The following SLC25A12 variants were observed in gnomAD, a reference collection of about 807,000 sequenced individuals.
The protein encoded by SLC25A12 is solute carrier family 25 member 12.
In SLC25A12, 32 loss-of-function variants were observed where a neutral mutation model predicts 83.3. The ratio of observed to expected loss-of-function variants is 0.38; its 90% CI spans 0.29 to 0.52. The LOEUF (loss-of-function observed/expected upper bound fraction) is 0.52. Ranked by LOEUF, SLC25A12 falls within the 20% of genes least tolerant of loss-of-function variation. The probability of loss-of-function intolerance (pLI) is 0.84; values close to 1 mark genes in which losing one functional copy is unlikely to be tolerated. For missense variants in SLC25A12, 611 were observed against 835.6 expected, an observed-to-expected ratio of 0.73 and a Z score of 3.31; for synonymous variants, 267 against 291.1, an observed-to-expected ratio of 0.92 and a Z score of 0.84.
intron 2 of SLC25A12, among the ~76,000 whole-genome samples, chr2:171,888,961 C>G: frequency 6.6e-6 from 1 of 152,084 alleles, no homozygotes; most frequent in East Asian, 1.9e-4. Flanking sequence ...CAAGTGACCC[C>G]AAAATCCTCC....
chr2:171,886,753 G>A (rs189455875), intron 2 of SLC25A12, among the ~76,000 whole-genome samples: 29 of 151,948 alleles, frequency 1.9e-4, no homozygotes, highest in South Asian at 4.2e-4. Context: ...CTTGTGATCC[G>A]CCCACCTTGG....
intron 13 of SLC25A12, among the ~76,000 whole-genome samples, chr2:171,801,492 G>A (rs993988316): frequency 9.2e-5 from 14 of 152,042 alleles, no homozygotes; most frequent in African/African-American, 2.4e-4. Flanking sequence ...TTGTGTCTTC[G>A]AATAAACATA....
In SLC25A12 at chr2:171,893,254, T is replaced by C; in HGVS notation, c.17A>G (p.Gln6Arg). 6.2e-7 allele frequency: 1 copy of C among 1,614,076 alleles called. No individual in the cohort carries two copies. The highest frequency in any genetic ancestry group is 1.7e-5 in the Admixed American group (1 of 60,014). The change falls in exon 2 of 18, where the codon CAG (glutamine) becomes CGG (arginine). Residue 6 changes from glutamine to arginine, a missense_variant. By Grantham distance (43) the Gln-to-Arg change is conservative. Around this residue, in one of 3 missense-constraint regions of SLC25A12, gnomAD observed 34 missense variants for 23.0 expected, o/e 1.48. Coordinates refer to ENST00000422440, the MANE Select transcript of SLC25A12 (RefSeq NM_003705.5). The part of the protein sequence containing the change: MAVKV[Q>R]TTKRGDPHEL... ...ATGAGGATCCCCTCGCTTAGTTGTC[T>C]GCACCTGTAAGCAAAAAAGAAAAAA...
chr2:171,850,340 T>C (rs1182517274), intron 4 of SLC25A12, among the ~76,000 whole-genome samples: 313 of 23,810 alleles, frequency 0.013, 3 homozygotes, highest in Non-Finnish European at 0.034. Context: ...GGTCTTTGTT[T>C]TTTTTTTTTT....
Position 171,821,654 on chromosome 2 carries a change from AT to A in SLC25A12, c.930+5143del, listed in dbSNP as rs1684196628. Reference sequence around the variant, plus strand: ...TCTTTTGTGAGGTTTCTGTTCAGGTATTTAGCCAATTTTTCTATTGCATTGC... The same window carrying A: ...TCTTTTGTGAGGTTTCTGTTCAGGTATTAGCCAATTTTTCTATTGCATTGC... On this transcript the variant is annotated intron_variant, in intron 9 of 17. Transcript: ENST00000422440. 2.0e-5 allele frequency among the ~76,000 whole-genome samples: 3 copies of A among 152,130 alleles called. No homozygotes were observed. The South Asian group carries it at 6.2e-4, about 32-fold the overall frequency.
chr2:171,789,446 T>C (rs1037619864), intron 15 of SLC25A12, among the ~76,000 whole-genome samples: 4 of 152,062 alleles, frequency 2.6e-5, no homozygotes, highest in Non-Finnish European at 5.9e-5. Context: ...GCCAGGATGG[T>C]CTCGATCTCC....
chr2:171,861,957 T>C (rs772064871), intron 3 of SLC25A12, among the ~76,000 whole-genome samples: 34 of 152,240 alleles, frequency 2.2e-4, no homozygotes, highest in Non-Finnish European at 4.0e-4. Flanking sequence ...TTTATAACTT[T>C]GAAAAATATA....
intron 5 of SLC25A12, among the ~76,000 whole-genome samples, chr2:171,841,268 C>A (rs1237177546): frequency 6.6e-6 from 1 of 151,722 alleles, no homozygotes; most frequent in East Asian, 1.9e-4. Context: ...TTAGTAGAGA[C>A]AGGGTTTCAC....
chr2:171,807,842 T>A (rs529413869), intron 13 of SLC25A12, among the ~76,000 whole-genome samples: 5 of 152,248 alleles, frequency 3.3e-5, no homozygotes, highest in African/African-American at 1.2e-4. Flanking sequence ...GGGGCATGCA[T>A]ACAGGCACAC....
chr2:171,815,209 A>G lies in SLC25A12; in HGVS notation c.931-7T>C. Reference sequence around the variant, plus strand: ...TGCCTAACCCAGGAGACTGCTGCAGAGAAGAAAACGGGTAAAAAAAAATCT... The same window carrying G: ...TGCCTAACCCAGGAGACTGCTGCAGGGAAGAAAACGGGTAAAAAAAAATCT... On this transcript the variant is annotated splice_polypyrimidine_tract_variant and splice_region_variant and intron_variant, in intron 9 of 17. Coordinates refer to ENST00000422440, the MANE Select transcript of SLC25A12 (RefSeq NM_003705.5). 1 of 1,609,138 alleles carries G rather than the reference A, an allele frequency of 6.2e-7. No individual in the cohort carries two copies. The highest frequency in any genetic ancestry group is 2.2e-5 in the East Asian group (1 of 44,860).
At chr2:171,814,829 T>C (rs200079304) in intron 10 of SLC25A12, among the ~76,000 whole-genome samples, 178 of 152,330 alleles carry the variant, frequency 1.2e-3, no homozygotes, top group African/African-American at 3.6e-3. Context: ...AGTCTCATTT[T>C]CCATTTTTTC....
At chr2:171,812,681 TCA>T (rs1683971120) in intron 11 of SLC25A12, among the ~76,000 whole-genome samples, 1 of 152,190 alleles carries the variant, frequency 6.6e-6, no homozygotes, top group Non-Finnish European at 1.5e-5. Context: ...TGCACTGTGC[TCA>T]GTCTAGAGTG....
Position 171,787,599 on chromosome 2 carries a change from G to A in SLC25A12, c.1807C>T (p.Arg603Trp), listed in dbSNP as rs1342116730. The change falls in exon 17 of 18, where the codon CGG becomes TGG. Residue 603 changes from arginine (R) to tryptophan (W), a missense_variant. By Grantham distance (101) the Arg-to-Trp change is moderately radical. Around this residue, in one of 3 missense-constraint regions of SLC25A12, gnomAD observed 540 missense variants for 777.5 expected, o/e 0.69. Transcript: ENST00000422440. ...CCTCCAAAATCAATGTAAAACCACC[G>A]CTGGAGAAGTTCATAAGTGACCAAG... The part of the protein sequence containing the change: ...VTLVTYELLQ[R>W]WFYIDFGGLK... The A allele has an allele frequency of 6.2e-6, 10 of 1,614,012 alleles. No individual in the cohort carries two copies. Among genetic ancestry groups the A allele is most frequent in the African/African-American group, 1.3e-5 (1 of 75,026 alleles).
chr2:171,884,701 G>A (rs762939703), intron 2 of SLC25A12, among the ~76,000 whole-genome samples: 4 of 151,734 alleles, frequency 2.6e-5, no homozygotes, highest in Non-Finnish European at 5.9e-5. Flanking sequence ...CTTGAACCTG[G>A]GATGCAGTGG....
At chr2:171,892,363 C>T (rs1685960122) in intron 2 of SLC25A12, among the ~76,000 whole-genome samples, 1 of 151,966 alleles carries the variant, frequency 6.6e-6, no homozygotes, top group African/African-American at 2.4e-5. Context: ...GTAGCTGGGA[C>T]TACAGGCGCC....
Position 171,816,939 on chromosome 2 carries a change from A to G in SLC25A12, c.931-1737T>C, listed in dbSNP as rs563998323. 9.8e-5 allele frequency among the ~76,000 whole-genome samples: 15 copies of G among 152,318 alleles called. No individual in the cohort carries two copies. The South Asian group carries it at 2.9e-3, about 29-fold the overall frequency. Reference sequence around the variant, plus strand: ...CCCAATGTGATTGTATGTGATGTGAAGGTGGCAACTTTGGGTGGTAATTAG... The same window carrying G: ...CCCAATGTGATTGTATGTGATGTGAGGGTGGCAACTTTGGGTGGTAATTAG... On this transcript the variant is annotated intron_variant, in intron 9 of 17. Coordinates refer to ENST00000422440, the MANE Select transcript of SLC25A12 (RefSeq NM_003705.5).
chr2:171,867,894 G>A (rs1313280652), intron 3 of SLC25A12, among the ~76,000 whole-genome samples: 1 of 152,072 alleles, frequency 6.6e-6, no homozygotes, highest in Non-Finnish European at 1.5e-5. Flanking sequence ...GCCCAGGCTA[G>A]AGTGCAGTGG....
chr2:171,874,661 T>G (rs147781928), intron 2 of SLC25A12, among the ~76,000 whole-genome samples: 1 of 152,144 alleles, frequency 6.6e-6, no homozygotes, highest in African/African-American at 2.4e-5. Context: ...AATACAAGCG[T>G]TCTGTATGGC....
chr2:171,811,569 C>T (rs1683946454), intron 11 of SLC25A12, among the ~76,000 whole-genome samples: 1 of 152,184 alleles, frequency 6.6e-6, no homozygotes, highest in African/African-American at 2.4e-5. Flanking sequence ...AATCATCTGA[C>T]AGAATAATGG....
Sources: gnomAD v4.1 joint callset for allele counts (sites outside exome capture counted in the v4.1 genomes callset) on GRCh38, gnomAD v4.1.1 for gene constraint, gnomAD v4.1.1 regional missense constraint, MANE v1.5 for transcripts, NCBI Gene and HGNC (gene_info 2026-07-23, HGNC 2026-07-21) for gene names.